ESR1: variants seen among roughly 807,000 people sequenced by gnomAD.
The protein encoded by ESR1 is estrogen receptor 1, also known as estrogen receptor.
Under a neutral mutation model 52.7 loss-of-function variants are expected in ESR1, and 12 were observed. The observed-to-expected ratio is 0.23, with a 90% CI of 0.15 to 0.37. The LOEUF (loss-of-function observed/expected upper bound fraction) is 0.37. ESR1 is among the 10% of genes least tolerant of loss of function. The pLI, the probability that ESR1 is intolerant of heterozygous loss-of-function variation, is 1.00. For missense variants in ESR1, 584 were observed against 779.7 expected, an observed-to-expected ratio of 0.75 and a Z score of 2.99; for synonymous variants, 305 against 316.8, an observed-to-expected ratio of 0.96 and a Z score of 0.39.
At chr6:152,035,539 A>G (rs1190520053) in intron 5 of ESR1, among the ~76,000 whole-genome samples, 2 of 152,142 alleles carry the variant, frequency 1.3e-5, no homozygotes, top group African/African-American at 4.8e-5. Flanking sequence ...GTGCGTGTCC[A>G]ATCAATATAT....
chr6:151,734,090 T>G (rs1385070694), intron 2 of ESR1, among the ~76,000 whole-genome samples: 2 of 152,204 alleles, frequency 1.3e-5, no homozygotes, highest in African/African-American at 4.8e-5. Context: ...CTCACACCAG[T>G]GCAGAAATGG....
At chr6:151,818,852 A>G (rs1780095494) in intron 1 of ESR1, among the ~76,000 whole-genome samples, 2 of 152,118 alleles carry the variant, frequency 1.3e-5, no homozygotes, top group Non-Finnish European at 2.9e-5. Flanking sequence ...ACATATATAT[A>G]TATAATATAC....
intron 3 of ESR1, among the ~76,000 whole-genome samples, chr6:151,920,264 T>C (rs1447215665): frequency 6.6e-6 from 1 of 151,948 alleles, no homozygotes; most frequent in Non-Finnish European, 1.5e-5. Context: ...TAAAACTAAT[T>C]TTAATATTAT....
chr6:151,982,196 A>C (rs2040054835), intron 4 of ESR1, among the ~76,000 whole-genome samples: 1 of 152,218 alleles, frequency 6.6e-6, no homozygotes. Context: ...CCTAAACGCC[A>C]GGGAAAAAGA....
intron 2 of ESR1, among the ~76,000 whole-genome samples, chr6:151,771,333 A>G (rs1302230274): frequency 2.0e-5 from 3 of 152,200 alleles, no homozygotes. Flanking sequence ...ACTTGGAGGC[A>G]ATGAAAATCC....
At chr6:152,060,938 T>C (rs2128957283) in intron 5 of ESR1, 53 bp from the exon 6 acceptor site, 2 of 1,432,800 alleles carry the variant, frequency 1.4e-6, no homozygotes, top group Admixed American at 2.0e-5. Flanking sequence ...GTGGAAGATT[T>C]TCTGTTTTTT....
intron 3 of ESR1, among the ~76,000 whole-genome samples, chr6:151,882,712 A>G (rs1259783736): frequency 6.6e-6 from 1 of 152,166 alleles, no homozygotes; most frequent in East Asian, 1.9e-4. Context: ...ACAATTTTTA[A>G]AATGTGAGGG....
chr6:151,995,808 T>A (rs1427906310), intron 4 of ESR1, among the ~76,000 whole-genome samples: 1 of 152,204 alleles, frequency 6.6e-6, no homozygotes, highest in African/African-American at 2.4e-5. Context: ...TAATGAGTAA[T>A]GACCAGGCAC....
chr6:151,671,858 G>C (rs989925432), intron 1 of ESR1, among the ~76,000 whole-genome samples: 1 of 152,092 alleles, frequency 6.6e-6, no homozygotes, highest in African/African-American at 2.4e-5. Context: ...CAGGCATGGT[G>C]GTGGGTGCCT....
Position 151,887,040 on chromosome 6 carries a change from C to CAAA in ESR1, c.760+6283_760+6285dup, listed in dbSNP as rs11316986. On this transcript the variant is annotated intron_variant, in intron 3 of 7. Transcript: ENST00000206249. ...TGGGTGACGGAATGAGACTCCATCT[C>CAAA]AAAAAAAAAAAAAAAAGTATACAAC... Among the ~76,000 whole-genome samples, 38 of 90,814 alleles carry CAAA rather than the reference C, an allele frequency of 4.2e-4. No homozygotes were observed. The East Asian group carries it at 9.8e-3, about 23-fold the overall frequency. 59.6% of individuals were successfully genotyped at this position (90,814 alleles called of 152,430 possible).
intron 2 of ESR1, among the ~76,000 whole-genome samples, chr6:151,794,285 A>C (rs1016641957): frequency 6.6e-6 from 1 of 152,188 alleles, no homozygotes. Context: ...CTTCAGATCT[A>C]GTAGTTGTAT....
intron 2 of ESR1, among the ~76,000 whole-genome samples, chr6:151,755,427 T>C (rs1784210412): frequency 1.3e-5 from 2 of 152,086 alleles, no homozygotes; most frequent in Non-Finnish European, 2.9e-5. Flanking sequence ...CAGAGTATCC[T>C]GTTGGCTATC....
chr6:151,848,749 T>C (rs1158700404), intron 2 of ESR1, among the ~76,000 whole-genome samples: 1 of 152,124 alleles, frequency 6.6e-6, no homozygotes, highest in Non-Finnish European at 1.5e-5. Context: ...CTTGCTCTTA[T>C]ACGATTCAGT....
At chr6:151,710,029 CTT>C (rs1010668052) in intron 2 of ESR1, among the ~76,000 whole-genome samples, 1 of 151,732 alleles carries the variant, frequency 6.6e-6, no homozygotes, top group African/African-American at 2.4e-5. Context: ...AACTGCATCT[CTT>C]TTTATATAAA....
At chr6:151,931,001 G>T (rs558630359) in intron 3 of ESR1, among the ~76,000 whole-genome samples, 8 of 152,030 alleles carry the variant, frequency 5.3e-5, no homozygotes, top group African/African-American at 1.9e-4. Context: ...AATATGCCTA[G>T]GTGTTGTTTG....
chr6:151,796,040 C>T (rs2128136861), intron 2 of ESR1, among the ~76,000 whole-genome samples: 1 of 150,860 alleles, frequency 6.6e-6, no homozygotes, highest in East Asian at 1.9e-4. Context: ...GTGGCGGGTG[C>T]CTGTAGTCCC....
intron 6 of ESR1, among the ~76,000 whole-genome samples, chr6:152,110,900 T>C (rs552158071): frequency 1.3e-5 from 2 of 152,242 alleles, no homozygotes; most frequent in East Asian, 3.9e-4. Flanking sequence ...GAGGAGCACT[T>C]CCACCATCTT....
chr6:151,691,613 A>T (rs545733404), intron 1 of ESR1, among the ~76,000 whole-genome samples: 2 of 152,326 alleles, frequency 1.3e-5, no homozygotes, highest in Middle Eastern at 6.8e-3. Flanking sequence ...TATGTGCCAG[A>T]TCTAATAGGC....
upstream of ESR1, among the ~76,000 whole-genome samples, chr6:151,686,583 A>G (rs534698302): frequency 1.9e-3 from 285 of 152,238 alleles, no homozygotes; most frequent in Non-Finnish European, 3.2e-3. Context: ...AGCTACTCAG[A>G]AGGCTGAGGC....
Sources: allele counts gnomAD v4.1 joint callset (sites outside exome capture counted in the v4.1 genomes callset), GRCh38; gene constraint gnomAD v4.1.1; transcripts MANE v1.5; gene names NCBI Gene and HGNC (gene_info 2026-07-23, HGNC 2026-07-21).